The following CFAP97D2 variants were observed in gnomAD, a reference collection of about 807,000 sequenced individuals.
CFAP97D2 encodes uncharacterized protein CFAP97D2.
chr13:114,202,432 GAGTCTC>G lies in CFAP97D2; in HGVS notation c.290+1990_290+1995del. Among the ~76,000 whole-genome samples, 5 of 152,304 alleles carry G rather than the reference GAGTCTC, an allele frequency of 3.3e-5. 1 individual carries two copies. Among genetic ancestry groups the G allele is most frequent in the Admixed American group, 1.3e-4 (2 of 15,298 alleles). On this transcript the variant is annotated intron_variant, in intron 3 of 4. Transcript: ENST00000646158. Reference sequence around the variant, plus strand: ...AAAATGGTTAAAACACAGTCATTTAGAGTCTCTGCTGTATGGTCCTAAGAAGAAACA... The same window carrying G: ...AAAATGGTTAAAACACAGTCATTTAGTGCTGTATGGTCCTAAGAAGAAACA...
rs138142949 is a variant in CFAP97D2, at chr13:114,210,529, T to G, written c.291-1383T>G. On this transcript the variant is annotated intron_variant, in intron 3 of 4. Transcript: ENST00000646158. ...GTAATTCACTCCTGACTTTCTGCAC[T>G]TCCTACCTCCCTCACTGTTTTCTTC... Among the ~76,000 whole-genome samples, 599 of 152,272 alleles carry G rather than the reference T, an allele frequency of 3.9e-3. 2 individuals are homozygous for G. Among genetic ancestry groups the G allele is most frequent in the African/African-American group, 8.8e-3 (365 of 41,550 alleles).
chr13:114,212,829 G>A (rs960703891), intron 4 of CFAP97D2, among the ~76,000 whole-genome samples: 11 of 152,180 alleles, frequency 7.2e-5, no homozygotes, highest in Middle Eastern at 3.4e-3. Context: ...TCCAGCCTGG[G>A]CAACAGATCG....
intron 4 of CFAP97D2, among the ~76,000 whole-genome samples, chr13:114,216,377 G>A (rs2080993231): frequency 6.6e-6 from 1 of 151,976 alleles, no homozygotes; most frequent in African/African-American, 2.4e-5. Flanking sequence ...TGCCATGTTG[G>A]TGTGCCTCAC....
intron 4 of CFAP97D2, among the ~76,000 whole-genome samples, chr13:114,215,274 C>T (rs1368958884): frequency 6.6e-6 from 1 of 152,144 alleles, no homozygotes; most frequent in African/African-American, 2.4e-5. Flanking sequence ...TGACCAAATT[C>T]TTATCATATG....
chr13:114,208,441 A>G (rs1021414932), intron 3 of CFAP97D2, among the ~76,000 whole-genome samples: 2 of 152,244 alleles, frequency 1.3e-5, no homozygotes, highest in African/African-American at 4.8e-5. Context: ...CGTTATCAAA[A>G]TAATTCTTTA....
chr13:114,198,735 A>T (rs1395884852), intron 2 of CFAP97D2, among the ~76,000 whole-genome samples: 1 of 69,696 alleles, frequency 1.4e-5, no homozygotes, highest in Non-Finnish European at 2.4e-5. Flanking sequence ...CCCCGTGTGT[A>T]CAGTCCCCGC....
exon 3 of CFAP97D2, chr13:114,200,392 T>C: frequency 2.5e-6 from 1 of 398,656 alleles, no homozygotes. Flanking sequence ...GTGGCCTCTG[T>C]CATGAGGACC....
chr13:114,222,679 G>A (rs2081026546), downstream of CFAP97D2: 1 of 394,510 alleles, frequency 2.5e-6, no homozygotes, highest in Admixed American at 4.4e-5. This position sits in a 1 kb window ranked among gnomAD's most constrained non-coding sequence, Gnocchi z 4.4. Flanking sequence ...CGGTCTCAGG[G>A]CAGTGTGGGG....
intron 2 of CFAP97D2, among the ~76,000 whole-genome samples, chr13:114,198,073 C>G (rs902477255): frequency 6.6e-6 from 1 of 151,950 alleles, no homozygotes; most frequent in Non-Finnish European, 1.5e-5. Context: ...CTGCAACCTC[C>G]GCCTCCCGGG....
intron 4 of CFAP97D2, among the ~76,000 whole-genome samples, chr13:114,220,664 C>T (rs1269373945): frequency 6.6e-6 from 1 of 152,216 alleles, no homozygotes; most frequent in Non-Finnish European, 1.5e-5. Context: ...TAATTTAGTG[C>T]CCCAACCCCA....
chr13:114,188,141 A>G (rs1416194716), intron 1 of CFAP97D2, among the ~76,000 whole-genome samples: 1 of 151,966 alleles, frequency 6.6e-6, no homozygotes, highest in Non-Finnish European at 1.5e-5. Context: ...TTAATTAACC[A>G]GGCATGGTAG....
intron 4 of CFAP97D2, among the ~76,000 whole-genome samples, chr13:114,220,128 C>T (rs2081013692): frequency 6.6e-6 from 1 of 152,152 alleles, no homozygotes; most frequent in South Asian, 2.1e-4. Context: ...TGTTATGAGA[C>T]CAGAAACCTG....
chr13:114,179,344 C>G lies in CFAP97D2; in HGVS notation c.14C>G (p.Pro5Arg), dbSNP rs1319762162. The G allele has an allele frequency of 5.0e-6, 2 of 398,582 alleles. No homozygotes were observed. The highest frequency in any genetic ancestry group is 4.1e-5 in the African/African-American group (2 of 48,624). 24.7% of individuals were successfully genotyped at this position (398,582 alleles called of 1,614,324 possible). ...TTTGTTGCTGAGATGCACGGAGCCCCCCGGCTGACCTTTCCCTGTGCCAGT... is the reference window on the plus strand; with the variant it reads ...TTTGTTGCTGAGATGCACGGAGCCCGCCGGCTGACCTTTCCCTGTGCCAGT... Residue 5 changes from proline (P) to arginine (R), a missense_variant, in exon 1 of 5, where the codon CCC becomes CGC. By Grantham distance (103) the Pro-to-Arg change is moderately radical (BLOSUM62 -2). Coordinates refer to ENST00000646158, the Ensembl canonical transcript of CFAP97D2. This position sits in a 1 kb window ranked among gnomAD's most constrained non-coding sequence, Gnocchi z 4.8.
chr13:114,211,027 A>T lies in CFAP97D2; in HGVS notation c.291-885A>T, dbSNP rs2080964776. 6.6e-6 allele frequency among the ~76,000 whole-genome samples: 1 copy of T among 152,196 alleles called. No individual in the cohort carries two copies. The highest frequency in any genetic ancestry group is 1.5e-5 in the Non-Finnish European group (1 of 68,026). ...CCTGGCACAGAGGAAGTGCCCAACAAGTCTCCAGAGGGTGATGGTGAACTT... is the reference window on the plus strand; with the variant it reads ...CCTGGCACAGAGGAAGTGCCCAACATGTCTCCAGAGGGTGATGGTGAACTT... On this transcript the variant is annotated intron_variant, in intron 3 of 4. Transcript: ENST00000646158. This position sits in a 1 kb window ranked among gnomAD's most constrained non-coding sequence, Gnocchi z 4.2.
Position 114,198,923 on chromosome 13 carries a change from C to T in CFAP97D2, c.172-1402C>T, listed in dbSNP as rs2080902211. Among the ~76,000 whole-genome samples, 2 of 49,978 alleles carry T rather than the reference C, an allele frequency of 4.0e-5. 1 individual carries two copies. Among genetic ancestry groups the T allele is most frequent in the South Asian group, 1.5e-3 (2 of 1,346 alleles). The allele number at this position is 49,978 out of a possible 152,430, so 32.8% of individuals were successfully genotyped here. On this transcript the variant is annotated intron_variant, in intron 2 of 4. Transcript: ENST00000646158. Reference sequence around the variant, plus strand: ...CCACCGAGGGGTGACGGCGCGTCCCCGTGTGTACGGTCCCCGCTGAGGTGT... The same window carrying T: ...CCACCGAGGGGTGACGGCGCGTCCCTGTGTGTACGGTCCCCGCTGAGGTGT...
chr13:114,218,274 C>T (rs1327518398), intron 4 of CFAP97D2, among the ~76,000 whole-genome samples: 1 of 152,180 alleles, frequency 6.6e-6, no homozygotes, highest in Non-Finnish European at 1.5e-5. Context: ...CTCCCATTCA[C>T]AATTGCTTCA....
chr13:114,209,840 C>G (rs1192123825), intron 3 of CFAP97D2, among the ~76,000 whole-genome samples: 5 of 152,206 alleles, frequency 3.3e-5, no homozygotes, highest in Admixed American at 3.3e-4. Flanking sequence ...ACTCAATGCC[C>G]AGGCCAATGC....
At chr13:114,212,713 A>G (rs2080973276) in intron 4 of CFAP97D2, among the ~76,000 whole-genome samples, 1 of 152,114 alleles carries the variant, frequency 6.6e-6, no homozygotes, top group Non-Finnish European at 1.5e-5. Flanking sequence ...TTAGCCAAGT[A>G]TGGTGGCACA....
intron 1 of CFAP97D2, among the ~76,000 whole-genome samples, chr13:114,194,734 C>T (rs201563228): frequency 3.9e-5 from 6 of 151,942 alleles, no homozygotes; most frequent in Non-Finnish European, 7.4e-5. Flanking sequence ...CCCTTCCCCC[C>T]GTACCTAATG....
Sources: gnomAD v4.1 joint callset for allele counts (sites outside exome capture counted in the v4.1 genomes callset) on GRCh38, gnomAD v4.1.1 for gene constraint, Gnocchi (gnomAD v3.1) non-coding constraint, MANE v1.5 for transcripts, NCBI Gene and HGNC (gene_info 2026-07-23, HGNC 2026-07-21) for gene names.